MSI2: variants seen among roughly 807,000 people sequenced by gnomAD.
The protein encoded by MSI2 is RNA-binding protein Musashi homolog 2.
Under a neutral mutation model 45.6 loss-of-function variants are expected in MSI2, and 17 were observed. That is an observed-to-expected ratio of 0.37 (90% CI 0.26 to 0.56). The LOEUF is 0.56. Ranked by LOEUF, MSI2 falls within the 20% of genes least tolerant of loss-of-function variation. MSI2 has a pLI of 0.77. For missense variants in MSI2, 293 were observed against 444.2 expected (o/e 0.66, Z 3.06); for synonymous variants, 156 against 158.2 (o/e 0.99, Z 0.11).
chr17:57,555,205 C>T (rs902018892), intron 7 of MSI2, among the ~76,000 whole-genome samples: 18 of 152,182 alleles, frequency 1.2e-4, no homozygotes, highest in South Asian at 8.3e-4. Context: ...AGCCAGCGTC[C>T]GCACCGCCAG....
chr17:57,634,127 G>A (rs1909645578), intron 10 of MSI2, among the ~76,000 whole-genome samples: 1 of 152,158 alleles, frequency 6.6e-6, no homozygotes, highest in African/African-American at 2.4e-5. Flanking sequence ...GAGAAGCAGT[G>A]ATAAGACCAA....
intron 6 of MSI2, among the ~76,000 whole-genome samples, chr17:57,516,044 C>T (rs994825262): frequency 1.3e-5 from 2 of 152,154 alleles, no homozygotes; most frequent in East Asian, 1.9e-4. Flanking sequence ...GCCAGGAAAC[C>T]AGTGTTGGTA....
chr17:57,623,071 A>G (rs1182240003), intron 9 of MSI2, among the ~76,000 whole-genome samples: 2 of 152,206 alleles, frequency 1.3e-5, no homozygotes, highest in Non-Finnish European at 2.9e-5. Context: ...TGGACGGCGC[A>G]GGTCTGGAGG....
At chr17:57,563,624 A>G (rs2087642511) in intron 7 of MSI2, among the ~76,000 whole-genome samples, 1 of 151,994 alleles carries the variant, frequency 6.6e-6, no homozygotes, top group South Asian at 2.1e-4. Context: ...AGTCCTTCCT[A>G]ATGTGGACTC....
intron 7 of MSI2, among the ~76,000 whole-genome samples, chr17:57,575,992 G>A (rs2088036107): frequency 6.6e-6 from 1 of 151,580 alleles, no homozygotes; most frequent in Non-Finnish European, 1.5e-5. Context: ...AGGCTCTGGT[G>A]GATTGAAGAA....
chr17:57,619,614 G>A (rs1013456316), intron 9 of MSI2, among the ~76,000 whole-genome samples: 11 of 152,234 alleles, frequency 7.2e-5, no homozygotes, highest in African/African-American at 2.4e-4. Context: ...TGGGAAGGTG[G>A]GGAGAGGCAG....
rs2143171579 is a variant in MSI2, at chr17:57,260,548, T to A, written c.271-1603T>A. The stretch of plus-strand genomic sequence containing the variant: ...TATTTATAAAAAGACACCTCTGTCT[T>A]ACGTACGTCAACAGAATGGAAAATC... On this transcript the variant is annotated intron_variant, in intron 4 of 13. Coordinates refer to ENST00000284073, the MANE Select transcript of MSI2 (RefSeq NM_138962.4). Among the ~76,000 whole-genome samples, 3 of 152,298 alleles carry A rather than the reference T, an allele frequency of 2.0e-5. No homozygotes were observed. In the East Asian group the frequency reaches 5.8e-4, roughly 29 times the overall value.
At chr17:57,383,477 T>G (rs942283458) in intron 5 of MSI2, among the ~76,000 whole-genome samples, 2 of 152,120 alleles carry the variant, frequency 1.3e-5, no homozygotes, top group Non-Finnish European at 2.9e-5. Context: ...GCCAACATGG[T>G]GAAACCCTGT....
intron 9 of MSI2, among the ~76,000 whole-genome samples, chr17:57,619,038 T>C (rs1361172713): frequency 6.6e-6 from 1 of 152,158 alleles, no homozygotes; most frequent in Admixed American, 6.5e-5. Flanking sequence ...ACCCTCTGCA[T>C]GCTGGGAAGA....
In MSI2 at chr17:57,401,360, C is replaced by G. The variant is rs189111946; in HGVS notation, c.313-19C>G. The G allele has an allele frequency of 6.2e-7, 1 of 1,607,134 alleles. No individual in the cohort carries two copies. The highest frequency in any genetic ancestry group is 2.2e-5 in the East Asian group (1 of 44,856). On this transcript the variant is annotated intron_variant, in intron 5 of 13. Transcript: ENST00000284073. ...GATAACCTGGTTAACCCATGCCTTT[C>G]TCTTGTCATTTCTTGCAGATGGTCA...
intron 11 of MSI2, among the ~76,000 whole-genome samples, chr17:57,671,894 A>G (rs1274838499): frequency 6.6e-6 from 1 of 152,144 alleles, no homozygotes; most frequent in Non-Finnish European, 1.5e-5. Flanking sequence ...CGGGGACTTT[A>G]ACATGCTTTC....
rs138752440 is a variant in MSI2, at chr17:57,536,055, T to C, written c.454+6331T>C. 3.4e-4 allele frequency among the ~76,000 whole-genome samples: 51 copies of C among 151,692 alleles called. 1 individual carries two copies. Among genetic ancestry groups the C allele is most frequent in the African/African-American group, 1.1e-3 (44 of 41,366 alleles). ...TACGATGTATAAAGATGCCTAAGAA[T>C]TGCACTGTCATTATTTGTTTATTGG... On this transcript the variant is annotated intron_variant, in intron 7 of 13. Transcript: ENST00000284073.
At position 57,338,023 on chromosome 17, in the gene MSI2, A is replaced by G. The variant is rs534118896; in HGVS notation, c.313-63356A>G. On this transcript the variant is annotated intron_variant, in intron 5 of 13. Coordinates refer to ENST00000284073, the MANE Select transcript of MSI2 (RefSeq NM_138962.4). The stretch of plus-strand genomic sequence containing the variant: ...TGGTGTGTAACGTTCTCTCATCTCA[A>G]TGTAAAATACAGATACGTTTTAAAT... 2.4e-4 allele frequency among the ~76,000 whole-genome samples: 37 copies of G among 152,302 alleles called. 1 individual carries two copies. In the South Asian group the frequency reaches 7.3e-3, roughly 30 times the overall value.
chr17:57,396,426 C>CACAT (rs1323961179), intron 5 of MSI2, among the ~76,000 whole-genome samples: 2 of 151,416 alleles, frequency 1.3e-5, no homozygotes, highest in Non-Finnish European at 2.9e-5. Context: ...CACACACACA[C>CACAT]ACACACACAT....
intron 6 of MSI2, among the ~76,000 whole-genome samples, chr17:57,462,474 C>G (rs111830878): frequency 0.039 from 5,912 of 152,308 alleles, 353 homozygotes; most frequent in African/African-American, 0.13. Flanking sequence ...GATTCCCCTG[C>G]CCTTCTCTGA....
chr17:57,555,138 C>T (rs2087401465), intron 7 of MSI2, among the ~76,000 whole-genome samples: 1 of 152,180 alleles, frequency 6.6e-6, no homozygotes, highest in Admixed American at 6.5e-5. Flanking sequence ...GGTAATGGTG[C>T]CCAGTTGCTC....
chr17:57,316,176 C>T (rs1912834629), intron 5 of MSI2, among the ~76,000 whole-genome samples: 1 of 152,088 alleles, frequency 6.6e-6, no homozygotes, highest in Admixed American at 6.6e-5. Flanking sequence ...GAAGGGAAAT[C>T]TATCTGGAGG....
chr17:57,424,478 T>C (rs543407343), intron 6 of MSI2, among the ~76,000 whole-genome samples: 1 of 152,364 alleles, frequency 6.6e-6, no homozygotes, highest in South Asian at 2.1e-4. Flanking sequence ...GGTTTCCCTC[T>C]TTCAGTCTTT....
intron 5 of MSI2, among the ~76,000 whole-genome samples, chr17:57,283,441 T>C (rs1440682358): frequency 6.6e-6 from 1 of 152,214 alleles, no homozygotes; most frequent in Non-Finnish European, 1.5e-5. Context: ...TTGTCTGTTA[T>C]AATCGGAAAC....
Sources: allele counts gnomAD v4.1 joint callset (sites outside exome capture counted in the v4.1 genomes callset), GRCh38; gene constraint gnomAD v4.1.1; transcripts MANE v1.5; gene names NCBI Gene and HGNC (gene_info 2026-07-23, HGNC 2026-07-21).